Variants in MMP1 observed in about 807,000 individuals in gnomAD.
MMP1 encodes matrix metallopeptidase 1.
In MMP1, 51 loss-of-function variants were observed where a neutral mutation model predicts 49.6. The ratio of observed to expected loss-of-function variants is 1.03; its 90% CI spans 0.82 to 1.30. MMP1 has a LOEUF of 1.30. Among genes scored for constraint, MMP1 ranks in the 50% most tolerant of loss-of-function variants. MMP1 has a pLI of 0.00. For missense variants in MMP1, 623 were observed against 568.7 expected (o/e 1.10, Z -0.97); for synonymous variants, 230 against 196.8 (o/e 1.17, Z -1.41).
rs1295187131 is a variant in MMP1, at chr11:102,794,003, ATGATCTCTG to A, written c.899+1162_899+1170del. On this transcript the variant is annotated intron_variant, in intron 6 of 9. Transcript: ENST00000315274. The surrounding 1 kb of genome is among the most constrained non-coding windows in gnomAD (Gnocchi z 4.3). ...GTCTCCTCGACATGGCGACATTTAA[ATGATCTCTG>A]TGTCCTTTCAATTCTGGCAAATCCT... 6.6e-6 allele frequency among the ~76,000 whole-genome samples: 1 copy of A among 152,174 alleles called. No individual in the cohort carries two copies. Among genetic ancestry groups the A allele is most frequent in the African/African-American group, 2.4e-5 (1 of 41,434 alleles).
In MMP1 at chr11:102,791,472, C is replaced by G; in HGVS notation, c.1057G>C (p.Gly353Arg). 9 of 1,613,894 alleles carry G rather than the reference C, an allele frequency of 5.6e-6. No individual in the cohort carries two copies. Among genetic ancestry groups the G allele is most frequent in the Non-Finnish European group, 7.6e-6 (9 of 1,179,802 alleles). ...FKGNKYWAVQ[G>R]QNVLHGYPKD... ...GGGTATCCGTGTAGCACATTCTGTC[C>G]CTGAACAGCCCAGTACTTATTCCCT... Residue 353 changes from glycine (G) to arginine (R), a missense_variant, in exon 8 of 10, where the codon GGA becomes CGA. Gly to Arg is a moderately radical substitution (Grantham distance 125). Coordinates refer to ENST00000315274, the MANE Select transcript of MMP1 (RefSeq NM_002421.4).
At position 102,789,943 on chromosome 11, in the gene MMP1, T is replaced by G. The variant is rs1857974644; in HGVS notation, c.*469A>C. ...ATAAAACAGTAGAAACAAGGTTGAC[T>G]TTATTCCAAACATAAAACACTTATT... On this transcript the variant is annotated 3_prime_UTR_variant, in exon 10 of 10. Transcript: ENST00000315274. The G allele has an allele frequency of 6.6e-6, 1 of 152,362 alleles. No homozygotes were observed. The highest frequency in any genetic ancestry group is 6.5e-5 in the Admixed American group (1 of 15,292). The allele number at this position is 152,362 out of a possible 1,614,324, so 9.4% of individuals were successfully genotyped here.
rs1288335527 is a variant in MMP1 at position 102,798,084 on chromosome 11, G to T, written c.9C>A (p.Ser3Arg). The change falls in exon 1 of 10, where the codon AGC becomes AGA. Residue 3 changes from serine (S) to arginine (R), a missense_variant. Physicochemically the swap from Ser to Arg is moderately radical, Grantham distance 110. Transcript: ENST00000315274. ...ACAGCAGCAGCAGCAGTGGAGGAAA[G>T]CTGTGCATACTGGCCTTTGTCTTCT... MH[S>R]FPPLLLLLFW... 3.7e-6 allele frequency: 6 copies of T among 1,609,760 alleles called. No homozygotes were observed. In the Admixed American group the frequency reaches 5.0e-5, roughly 13 times the overall value.
In MMP1 at chr11:102,797,475, A is replaced by G. The variant is rs1413797839; in HGVS notation, c.131T>C (p.Leu44Pro). 1 of 1,614,140 alleles carries G rather than the reference A, an allele frequency of 6.2e-7. No individual in the cohort carries two copies. Among genetic ancestry groups the G allele is most frequent in the East Asian group, 2.2e-5 (1 of 44,890 alleles). ...VQKYLEKYYN[L>P]KNDGRQVEKR... ...TTCAACTTGCCTCCCATCATTCTTC[A>G]GGTTGTAGTATTTTTCCAGGTATTT... The change falls in exon 2 of 10, where the codon CTG becomes CCG. Residue 44 changes from leucine to proline, a missense_variant. By Grantham distance (98) the Leu-to-Pro change is moderately conservative (BLOSUM62 -3). Transcript: ENST00000315274.
Position 102,792,705 on chromosome 11 carries a change from T to A in MMP1, c.933A>T (p.Glu311Asp). 1 of 1,613,758 alleles carries A rather than the reference T, an allele frequency of 6.2e-7. No homozygotes were observed. ...FYMRTNPFYPEVELNFISVFW... is the reference protein window; with the variant it reads ...FYMRTNPFYPDVELNFISVFW... The stretch of plus-strand genomic sequence containing the variant: ...AAACAGAAATGAAATTGAGCTCAAC[T>A]TCCGGGTAGAAGGGATTTGTGCGCA... The change falls in exon 7 of 10, where the codon GAA becomes GAT. Residue 311 changes from glutamate (E) to aspartate (D), a missense_variant. Coordinates refer to ENST00000315274, the MANE Select transcript of MMP1 (RefSeq NM_002421.4).
chr11:102,795,813 G>GA, intron 4 of MMP1, among the ~76,000 whole-genome samples: 1 of 152,234 alleles, frequency 6.6e-6, no homozygotes, highest in Admixed American at 6.5e-5. Context: ...TAAACTCTAT[G>GA]ATTACATTGA....
intron 6 of MMP1, 95 bp from the exon 7 acceptor site, chr11:102,792,833 G>T (rs1858072156): frequency 8.7e-7 from 1 of 1,151,642 alleles, no homozygotes; most frequent in Non-Finnish European, 1.3e-6. Flanking sequence ...TGGCACTAGT[G>T]GTGTGCTGGT....
intron 5 of MMP1, 60 bp from the exon 6 acceptor site, chr11:102,795,351 A>G: frequency 6.2e-7 from 1 of 1,601,982 alleles, no homozygotes; most frequent in Non-Finnish European, 8.5e-7. Flanking sequence ...TACATAAACA[A>G]TGAAGACAGC....
At chr11:102,793,048 TTTA>T (rs1254073941) in intron 6 of MMP1, 9 of 178,792 alleles carry the variant, frequency 5.0e-5, no homozygotes, top group African/African-American at 9.4e-5. Context: ...CTGATGAATT[TTTA>T]TTATTTTTAT....
In MMP1 at chr11:102,790,432, A is replaced by G; in HGVS notation, c.1390T>C (p.Phe464Leu). 1 of 1,606,046 alleles carries G rather than the reference A, an allele frequency of 6.2e-7. No homozygotes were observed. Among genetic ancestry groups the G allele is most frequent in the Non-Finnish European group, 8.5e-7 (1 of 1,174,324 alleles). The part of the protein sequence containing the change: ...ILTLQKANSW[F>L]NCRKN ...AATGTTCAATTTTTCCTGCAGTTGA[A>G]CCAGCTATTAGCTTTCTGGAGAGTC... Residue 464 changes from phenylalanine (F) to leucine (L), a missense_variant, in exon 10 of 10, where the codon TTC becomes CTC. Transcript: ENST00000315274.
Position 102,792,632 on chromosome 11 carries a change from C to A in MMP1, c.1006G>T (p.Asp336Tyr). 2.5e-6 allele frequency: 4 copies of A among 1,613,602 alleles called. No individual in the cohort carries two copies. The highest frequency in any genetic ancestry group is 3.4e-6 in the Non-Finnish European group (4 of 1,179,720). ...TTGAAAAACCGGACTTCATCTCTGT[C>A]GGCAAATTCGTAAGCAGCTTCAAGC... ...NGLEAAYEFA[D>Y]RDEVRFFKGN... Residue 336 changes from aspartate to tyrosine, a missense_variant, in exon 7 of 10, where the codon GAC (aspartate) becomes TAC (tyrosine). Transcript: ENST00000315274.
In MMP1 at chr11:102,796,682, A is replaced by T; in HGVS notation, c.607T>A (p.Trp203Arg). The T allele has an allele frequency of 6.2e-7, 1 of 1,613,680 alleles. No individual in the cohort carries two copies. Residue 203 changes from tryptophan (W) to arginine (R), a missense_variant, in exon 4 of 10, where the codon TGG (tryptophan) becomes AGG (arginine). By Grantham distance (101) the Trp-to-Arg change is moderately radical. Coordinates refer to ENST00000315274, the MANE Select transcript of MMP1 (RefSeq NM_002421.4). ...GGCTTACCTCTGAAATTGTTGGTCC[A>T]CCTTTCATCTTCATCAAAATGAGCA... ...GDAHFDEDER[W>R]TNNFREYNLH... is the part of the protein sequence containing the mutation.
Position 102,794,348 on chromosome 11 carries a change from G to C in MMP1, c.899+826C>G, listed in dbSNP as rs1858118278. 6.6e-6 allele frequency among the ~76,000 whole-genome samples: 1 copy of C among 152,098 alleles called. No individual in the cohort carries two copies. The highest frequency in any genetic ancestry group is 1.5e-5 in the Non-Finnish European group (1 of 68,016). On this transcript the variant is annotated intron_variant, in intron 6 of 9. Transcript: ENST00000315274. The surrounding 1 kb of genome is among the most constrained non-coding windows in gnomAD (Gnocchi z 4.3). Reference sequence around the variant, plus strand: ...ATTTCTATGTGTTGATCTTTCTGTGGACTGCATCATTCACCAAATGCGGTG... The same window carrying C: ...ATTTCTATGTGTTGATCTTTCTGTGCACTGCATCATTCACCAAATGCGGTG...
Position 102,798,099 on chromosome 11 carries a change from C to G in MMP1, c.-7G>C, listed in dbSNP as rs1334535850. On this transcript the variant is annotated 5_prime_UTR_variant, in exon 1 of 10. Transcript: ENST00000315274. ...GTGGAGGAAAGCTGTGCATACTGGC[C>G]TTTGTCTTCTTTCTCAGTGCAAGGT... 6.2e-7 allele frequency: 1 copy of G among 1,603,012 alleles called. No individual in the cohort carries two copies. Among genetic ancestry groups the G allele is most frequent in the Non-Finnish European group, 8.5e-7 (1 of 1,178,380 alleles).
chr11:102,796,874 C>T (rs1858207855), intron 3 of MMP1, 85 bp from the exon 4 acceptor site: 8 of 1,547,850 alleles, frequency 5.2e-6, no homozygotes, highest in Non-Finnish European at 7.0e-6. Flanking sequence ...GTTAAGAGGC[C>T]AACAGACTTC....
In MMP1 at chr11:102,790,534, C is replaced by A; in HGVS notation, c.1301-13G>T. The A allele has an allele frequency of 6.6e-7, 1 of 1,514,272 alleles. No individual in the cohort carries two copies. Among genetic ancestry groups the A allele is most frequent in the Non-Finnish European group, 9.1e-7 (1 of 1,100,336 alleles). 93.8% of individuals were successfully genotyped at this position (1,514,272 alleles called of 1,614,324 possible). A position where few individuals can be genotyped will look rare whatever the true frequency, so the allele number is the denominator to read the frequency against. On this transcript the variant is annotated splice_polypyrimidine_tract_variant and intron_variant, in intron 9 of 9. Coordinates refer to ENST00000315274, the MANE Select transcript of MMP1 (RefSeq NM_002421.4). ...AAATAGAAAAATCCTAGAAACAAAACAAAAGAGACTTACTACATTATACAA... is the reference window on the plus strand; with the variant it reads ...AAATAGAAAAATCCTAGAAACAAAAAAAAAGAGACTTACTACATTATACAA...
rs1180935373 is a variant in MMP1 at position 102,795,604 on chromosome 11, T to C, written c.629A>G (p.Tyr210Cys). 1 of 1,605,798 alleles carries C rather than the reference T, an allele frequency of 6.2e-7. No homozygotes were observed. Among genetic ancestry groups the C allele is most frequent in the Non-Finnish European group, 8.5e-7 (1 of 1,177,900 alleles). ...ATGAGCTGCAACACGATGTAAGTTG[T>C]ACTCTAAAAAGGCCAATAAATCAAT... ...DERWTNNFRE[Y>C]NLHRVAAHEL... Residue 210 changes from tyrosine to cysteine, a missense_variant, in exon 5 of 10, where the codon TAC (tyrosine) becomes TGC (cysteine). Physicochemically the swap from Tyr to Cys is radical, Grantham distance 194. Transcript: ENST00000315274.
At chr11:102,793,230 T>G (rs1327654002) in intron 6 of MMP1, 3 of 152,444 alleles carry the variant, frequency 2.0e-5, no homozygotes, top group African/African-American at 7.2e-5. Context: ...AGGATTCTCC[T>G]GCCTCAGCCT....
At position 102,797,180 on chromosome 11, in the gene MMP1, T is replaced by C; in HGVS notation, c.351-18A>G. The C allele has an allele frequency of 6.2e-7, 1 of 1,613,796 alleles. No individual in the cohort carries two copies. ...TTTCAATCCTTAGAATGAAACAAAA[T>C]AGAGACACATTGGACATGACTTCTT... On this transcript the variant is annotated intron_variant, in intron 2 of 9. Coordinates refer to ENST00000315274, the MANE Select transcript of MMP1 (RefSeq NM_002421.4).
Sources: gnomAD v4.1 joint callset for allele counts (sites outside exome capture counted in the v4.1 genomes callset) on GRCh38, gnomAD v4.1.1 for gene constraint, Gnocchi (gnomAD v3.1) non-coding constraint, MANE v1.5 for transcripts, NCBI Gene and HGNC (gene_info 2026-07-23, HGNC 2026-07-21) for gene names.